SLC26A7: variants seen among roughly 807,000 people sequenced by gnomAD.
SLC26A7 encodes the protein anion exchange transporter.
SLC26A7 carries 59 observed loss-of-function variants against 82.5 expected under a neutral mutation model. That is an observed-to-expected ratio of 0.72 (90% CI 0.58 to 0.89). SLC26A7 has a LOEUF of 0.89. SLC26A7 is among the 40% of genes least tolerant of loss of function. The pLI is 0.00. For missense variants in SLC26A7, 820 were observed against 793.0 expected (o/e 1.03, Z -0.41); for synonymous variants, 271 against 274.3 (o/e 0.99, Z 0.12).
chr8:91,318,940 C>T (rs1812716980), intron 5 of SLC26A7, among the ~76,000 whole-genome samples: 1 of 152,192 alleles, frequency 6.6e-6, no homozygotes, highest in African/African-American at 2.4e-5. Context: ...TATAACCGCT[C>T]AAGAACTCAG....
intron 1 of SLC26A7, chr8:91,218,875 A>C: frequency 6.7e-7 from 1 of 1,483,520 alleles, no homozygotes; most frequent in Non-Finnish European, 9.2e-7. Flanking sequence ...TTTATTTTTA[A>C]TCTTTACTTT....
intron 4 of SLC26A7, among the ~76,000 whole-genome samples, chr8:91,306,622 C>T (rs2130791927): frequency 6.6e-6 from 1 of 152,160 alleles, no homozygotes; most frequent in Middle Eastern, 3.4e-3. Context: ...TTACTAACAT[C>T]TTACATTAGG....
Position 91,363,489 on chromosome 8 carries a change from T to TA in SLC26A7, c.1445dup (p.Asn482LysfsTer8). Reference sequence around the variant, plus strand: ...AATTTCAGAGCAATGACTGTAAGTATAAAAAATATGAAAGAAATGGAATTT... The same window carrying TA: ...AATTTCAGAGCAATGACTGTAAGTATAAAAAAATATGAAAGAAATGGAATTT... On this transcript the variant is annotated frameshift_variant, in exon 13 of 19. Coordinates refer to ENST00000276609, the MANE Select transcript of SLC26A7 (RefSeq NM_052832.4). LOFTEE classifies it high-confidence loss of function. The TA allele has an allele frequency of 2.7e-6, 4 of 1,505,124 alleles. No individual in the cohort carries two copies. The highest frequency in any genetic ancestry group is 1.4e-5 in the African/African-American group (1 of 71,956). The allele number at this position is 1,505,124 out of a possible 1,614,324, so 93.2% of individuals were successfully genotyped here. A position where few individuals can be genotyped will look rare whatever the true frequency, so the allele number is the denominator to read the frequency against.
intron 15 of SLC26A7, among the ~76,000 whole-genome samples, chr8:91,385,113 CCTGATGGTT>C (rs1814765192): frequency 6.6e-6 from 1 of 152,130 alleles, no homozygotes; most frequent in African/African-American, 2.4e-5. Flanking sequence ...CCCACCCACA[CCTGATGGTT>C]AATTTCTTTC....
intron 2 of SLC26A7, among the ~76,000 whole-genome samples, chr8:91,282,260 C>T (rs1326743241): frequency 1.3e-5 from 2 of 152,136 alleles, no homozygotes; most frequent in Admixed American, 1.3e-4. Flanking sequence ...GGCCAGTCAG[C>T]TGAGGTTTGA....
chr8:91,267,566 T>A (rs1226407825), intron 2 of SLC26A7, among the ~76,000 whole-genome samples: 1 of 151,932 alleles, frequency 6.6e-6, no homozygotes, highest in African/African-American at 2.4e-5. Context: ...CACAATAGTC[T>A]TTTATGACCT....
intron 2 of SLC26A7, among the ~76,000 whole-genome samples, chr8:91,266,892 A>T (rs902375963): frequency 6.6e-6 from 1 of 151,814 alleles, no homozygotes; most frequent in Non-Finnish European, 1.5e-5. Context: ...TATGGCCTTT[A>T]TTGTGTTGAG....
At chr8:91,264,781 A>T (rs1032455554) in intron 2 of SLC26A7, among the ~76,000 whole-genome samples, 6 of 152,066 alleles carry the variant, frequency 3.9e-5, no homozygotes, top group Non-Finnish European at 7.4e-5. Flanking sequence ...ACATAATTGT[A>T]CATGTTTATG....
At chr8:91,370,433 G>T (rs941842084) in intron 15 of SLC26A7, among the ~76,000 whole-genome samples, 4 of 151,584 alleles carry the variant, frequency 2.6e-5, no homozygotes, top group Non-Finnish European at 2.9e-5. Context: ...TGGCATTAGT[G>T]TAGTTTTAAT....
chr8:91,220,599 G>A (rs532290239), intron 2 of SLC26A7, among the ~76,000 whole-genome samples: 66 of 152,222 alleles, frequency 4.3e-4, no homozygotes, highest in African/African-American at 1.5e-3. Flanking sequence ...AGAACATGTG[G>A]TGTTTGGTTT....
intron 5 of SLC26A7, among the ~76,000 whole-genome samples, chr8:91,332,516 A>G (rs1813120842): frequency 6.8e-6 from 1 of 147,430 alleles, no homozygotes; most frequent in Admixed American, 6.9e-5. Flanking sequence ...ACACACACAC[A>G]CACACACACA....
chr8:91,263,523 G>A (rs992383133), intron 2 of SLC26A7, among the ~76,000 whole-genome samples: 13 of 152,092 alleles, frequency 8.5e-5, no homozygotes, highest in Non-Finnish European at 1.6e-4. Context: ...TTAAGAGAAT[G>A]ATAATTATAT....
At chr8:91,345,913 T>C (rs374961851) in intron 9 of SLC26A7, among the ~76,000 whole-genome samples, 1 of 152,158 alleles carries the variant, frequency 6.6e-6, no homozygotes, top group African/African-American at 2.4e-5. Context: ...ATTTTAAATT[T>C]GGGATTTTTT....
chr8:91,395,245 T>A lies in SLC26A7; in HGVS notation c.*148T>A. On this transcript the variant is annotated 3_prime_UTR_variant, in exon 19 of 19. Transcript: ENST00000276609. ...ATGTGACTTAGTAACTGCATAGCAG[T>A]TGGAAAGAACTGCCAACTTTTTTTT... is the stretch of plus-strand genomic sequence containing the variant. 14 of 1,419,350 alleles carry A rather than the reference T, an allele frequency of 9.9e-6. No homozygotes were observed. The highest frequency in any genetic ancestry group is 1.2e-5 in the Non-Finnish European group (13 of 1,084,804). 87.9% of individuals were successfully genotyped at this position (1,419,350 alleles called of 1,614,324 possible). A position where few individuals can be genotyped will look rare whatever the true frequency, so the allele number is the denominator to read the frequency against.
At chr8:91,328,023 A>C (rs989534183) in intron 5 of SLC26A7, among the ~76,000 whole-genome samples, 1 of 152,148 alleles carries the variant, frequency 6.6e-6, no homozygotes, top group Non-Finnish European at 1.5e-5. Flanking sequence ...AACCAACCAG[A>C]ATGCAGAGGA....
At chr8:91,214,640 A>G (rs1810005249) in intron 1 of SLC26A7, among the ~76,000 whole-genome samples, 1 of 152,146 alleles carries the variant, frequency 6.6e-6, no homozygotes, top group Admixed American at 6.6e-5. Flanking sequence ...TGGACAATGA[A>G]GGGATTAGAC....
upstream of SLC26A7, among the ~76,000 whole-genome samples, chr8:91,245,409 T>C (rs1158745047): frequency 6.6e-6 from 1 of 152,170 alleles, no homozygotes; most frequent in Non-Finnish European, 1.5e-5. Flanking sequence ...AAAAGTACTT[T>C]GGTAGACTTG....
At chr8:91,275,531 C>A (rs1811385006) in intron 2 of SLC26A7, among the ~76,000 whole-genome samples, 1 of 152,076 alleles carries the variant, frequency 6.6e-6, no homozygotes, top group Non-Finnish European at 1.5e-5. Flanking sequence ...AAAACCTGGG[C>A]TCAAGTGATC....
intron 15 of SLC26A7, among the ~76,000 whole-genome samples, chr8:91,371,378 T>C (rs1814356572): frequency 6.6e-6 from 1 of 151,838 alleles, no homozygotes; most frequent in Non-Finnish European, 1.5e-5. Flanking sequence ...TTTTTCAACT[T>C]TCTCCTCATT....
Sources: gnomAD v4.1 joint callset for allele counts (sites outside exome capture counted in the v4.1 genomes callset) on GRCh38, gnomAD v4.1.1 for gene constraint, MANE v1.5 for transcripts, NCBI Gene and HGNC (gene_info 2026-07-23, HGNC 2026-07-21) for gene names.